The following GRAP variants were observed in gnomAD, a reference collection of about 807,000 sequenced individuals.
The protein encoded by GRAP is GRB2 related adaptor protein, also known as GRB2-related adapter protein.
A neutral mutation model predicts 9.1 loss-of-function variants in GRAP; 2 were observed. That is an observed-to-expected ratio of 0.22 (90% CI 0.09 to 0.69). The LOEUF is 0.69. Among genes scored for constraint, GRAP ranks in the 30% least tolerant of loss-of-function variants. GRAP has a pLI of 0.81. For missense variants in GRAP, 113 were observed against 179.4 expected, an observed-to-expected ratio of 0.63 and a Z score of 2.12; for synonymous variants, 68 against 73.6, an observed-to-expected ratio of 0.92 and a Z score of 0.39.
intron 3 of GRAP, chr17:19,032,248 C>T (rs1305123490): frequency 6.7e-6 from 1 of 149,684 alleles, no homozygotes; most frequent in African/African-American, 2.4e-5. Flanking sequence ...GCGCCAAAAT[C>T]CTACTCATGC....
In GRAP at chr17:19,021,724, C is replaced by T. The variant is rs925051936; in HGVS notation, c.*235G>A. On this transcript the variant is annotated 3_prime_UTR_variant, in exon 5 of 5. Coordinates refer to ENST00000284154, the MANE Select transcript of GRAP (RefSeq NM_006613.4). The surrounding 1 kb of genome is among the most constrained non-coding windows in gnomAD (Gnocchi z 4.1). ...CCTGTGGTGTCACACAGCTGGCAGCCAATGGAAAGCAACCAGCCAGGAAGC... is the reference window on the plus strand; with the variant it reads ...CCTGTGGTGTCACACAGCTGGCAGCTAATGGAAAGCAACCAGCCAGGAAGC... The T allele has an allele frequency of 5.4e-5, 22 of 407,146 alleles. No homozygotes were observed. The highest frequency in any genetic ancestry group is 4.1e-4 in the African/African-American group (20 of 48,710). 25.2% of individuals were successfully genotyped at this position (407,146 alleles called of 1,614,324 possible). A position where few individuals can be genotyped will look rare whatever the true frequency, so the allele number is the denominator to read the frequency against.
Position 19,024,436 on chromosome 17 carries a change from TG to T in GRAP, c.300-54del, listed in dbSNP as rs1241074122. 6.3e-7 allele frequency: 1 copy of T among 1,582,568 alleles called. No individual in the cohort carries two copies. Among genetic ancestry groups the T allele is most frequent in the African/African-American group, 1.3e-5 (1 of 74,156 alleles). On this transcript the variant is annotated intron_variant, in intron 3 of 4. Coordinates refer to ENST00000284154, the MANE Select transcript of GRAP (RefSeq NM_006613.4). The surrounding 1 kb of genome is among the most constrained non-coding windows in gnomAD (Gnocchi z 4.2). ...AGGTGGTGGCCGTCCCAGCCTGGCATGGTCCCAGGGGCTCCCGTCTCACTAC... is the reference window on the plus strand; with the variant it reads ...AGGTGGTGGCCGTCCCAGCCTGGCATGTCCCAGGGGCTCCCGTCTCACTAC...
intron 3 of GRAP, chr17:19,032,511 CGT>C (rs1376809632): frequency 3.4e-5 from 2 of 59,602 alleles, no homozygotes; most frequent in African/African-American, 8.0e-5. Flanking sequence ...TGATCATGTG[CGT>C]GTGCGCAGGT....
In GRAP at chr17:19,020,807, C is replaced by T. The variant is rs11867753; in HGVS notation, c.*1152G>A. The T allele has an allele frequency of 0.047, 10,884 of 229,840 alleles. 1,208 individuals carry two copies. The highest frequency in any genetic ancestry group is 0.23 in the African/African-American group (10,164 of 44,600). 14.2% of individuals were successfully genotyped at this position (229,840 alleles called of 1,614,324 possible). ...AGCTCTGGATGGAGGAAGAGCCCCA[C>T]ATGCCCAGAGCAAGGCCCCCCATTA... On this transcript the variant is annotated 3_prime_UTR_variant, in exon 5 of 5. Transcript: ENST00000284154.
Position 19,027,474 on chromosome 17 carries a change from G to GCA in GRAP, c.300-3092_300-3091insTG, listed in dbSNP as rs1230339313. On this transcript the variant is annotated intron_variant, in intron 3 of 4. Coordinates refer to ENST00000284154, the MANE Select transcript of GRAP (RefSeq NM_006613.4). ...TGATGCCTTGATGGGACACATGCGCGCGCGCGCGCGCACACACACACACAC... is the reference window on the plus strand; with the variant it reads ...TGATGCCTTGATGGGACACATGCGCGCACGCGCGCGCGCACACACACACACAC... 2.6e-3 allele frequency among the ~76,000 whole-genome samples: 195 copies of GCA among 73,770 alleles called. 1 individual carries two copies. Among genetic ancestry groups the GCA allele is most frequent in the Middle Eastern group, 5.9e-3 (1 of 170 alleles). 48.4% of individuals were successfully genotyped at this position (73,770 alleles called of 152,430 possible). A position where few individuals can be genotyped will look rare whatever the true frequency, so the allele number is the denominator to read the frequency against.
chr17:19,024,505 T>A lies in GRAP; in HGVS notation c.300-122A>T, dbSNP rs2044297926. 3.4e-6 allele frequency: 5 copies of A among 1,463,144 alleles called. No homozygotes were observed. The highest frequency in any genetic ancestry group is 4.5e-6 in the Non-Finnish European group (5 of 1,105,474). 90.6% of individuals were successfully genotyped at this position (1,463,144 alleles called of 1,614,324 possible). A position where few individuals can be genotyped will look rare whatever the true frequency, so the allele number is the denominator to read the frequency against. ...TCTCACGGTGGGACCTGGAGTCAGA[T>A]AAGGTGCAAGTGGGAGAGGCCCCAC... is the stretch of plus-strand genomic sequence containing the variant. On this transcript the variant is annotated intron_variant, in intron 3 of 4. Coordinates refer to ENST00000284154, the MANE Select transcript of GRAP (RefSeq NM_006613.4). This position sits in a 1 kb window ranked among gnomAD's most constrained non-coding sequence, Gnocchi z 4.2.
chr17:19,027,484 GCACACACACA>G (rs776285201), intron 3 of GRAP, among the ~76,000 whole-genome samples: 5 of 121,212 alleles, frequency 4.1e-5, no homozygotes, highest in South Asian at 3.1e-4. Flanking sequence ...GCGCGCGCGC[GCACACACACA>G]CACACACACA....
At chr17:19,030,261 G>T in intron 3 of GRAP, 1 of 443,856 alleles carries the variant, frequency 2.3e-6, no homozygotes. Flanking sequence ...AGCAGCAGCA[G>T]CAGCAAAGGT....
intron 3 of GRAP, among the ~76,000 whole-genome samples, chr17:19,027,484 GCACACA>G (rs776285201): frequency 9.9e-5 from 12 of 121,170 alleles, no homozygotes; most frequent in African/African-American, 3.7e-4. Flanking sequence ...GCGCGCGCGC[GCACACA>G]CACACACACA....
Position 19,024,233 on chromosome 17 carries a change from G to C in GRAP, c.450C>G (p.Asp150Glu). 1 of 1,593,716 alleles carries C rather than the reference G, an allele frequency of 6.3e-7. No individual in the cohort carries two copies. Among genetic ancestry groups the C allele is most frequent in the Non-Finnish European group, 8.5e-7 (1 of 1,170,416 alleles). ...IAKKRQIFLR[D>E]EEPLLKSPGA... ...CCCCTACCTTGAGCAAGGGCTCCTCGTCGCGCAGGAAGATCTGCCGCTTCT... is the reference window on the plus strand; with the variant it reads ...CCCCTACCTTGAGCAAGGGCTCCTCCTCGCGCAGGAAGATCTGCCGCTTCT... Residue 150 changes from aspartate to glutamate, a missense_variant, in exon 4 of 5, where the codon GAC becomes GAG. Asp to Glu is a conservative substitution (Grantham distance 45, BLOSUM62 2). This residue lies in a region of GRAP where 113 missense variants were observed against 163.3 expected (regional missense o/e 0.69). Transcript: ENST00000284154. This position sits in a 1 kb window ranked among gnomAD's most constrained non-coding sequence, Gnocchi z 4.2.
Position 19,024,503 on chromosome 17 carries a change from G to C in GRAP, c.300-120C>G. The C allele has an allele frequency of 6.8e-7, 1 of 1,464,570 alleles. No homozygotes were observed. The highest frequency in any genetic ancestry group is 1.4e-5 in the South Asian group (1 of 71,720). 90.7% of individuals were successfully genotyped at this position (1,464,570 alleles called of 1,614,324 possible). On this transcript the variant is annotated intron_variant, in intron 3 of 4. Coordinates refer to ENST00000284154, the MANE Select transcript of GRAP (RefSeq NM_006613.4). This position sits in a 1 kb window ranked among gnomAD's most constrained non-coding sequence, Gnocchi z 4.2. ...TGTCTCACGGTGGGACCTGGAGTCA[G>C]ATAAGGTGCAAGTGGGAGAGGCCCC...
At chr17:19,027,522 A>ACACACC (rs2044319019) in intron 3 of GRAP, among the ~76,000 whole-genome samples, 1 of 144,850 alleles carries the variant, frequency 6.9e-6, no homozygotes, top group East Asian at 2.1e-4. Flanking sequence ...ACACACACAC[A>ACACACC]CACCCCTACC....
rs753525042 is a variant in GRAP at position 19,024,217 on chromosome 17, T to G, written c.466A>C (p.Lys156Gln). 6.3e-7 allele frequency: 1 copy of G among 1,583,570 alleles called. No individual in the cohort carries two copies. The highest frequency in any genetic ancestry group is 8.6e-7 in the Non-Finnish European group (1 of 1,165,240). Residue 156 changes from lysine to glutamine, a missense_variant and splice_region_variant, in exon 4 of 5, where the codon AAG (lysine) becomes CAG (glutamine). Physicochemically the swap from Lys to Gln is moderately conservative, Grantham distance 53. Transcript: ENST00000284154. This position sits in a 1 kb window ranked among gnomAD's most constrained non-coding sequence, Gnocchi z 4.2. ...GGCCAGCCCCCACCCGCCCCTACCT[T>G]GAGCAAGGGCTCCTCGTCGCGCAGG... ...IFLRDEEPLL[K>Q]SPGACFAQAQ... is the part of the protein sequence containing the mutation.
chr17:19,028,224 CG>C (rs2044324187), intron 3 of GRAP, among the ~76,000 whole-genome samples: 2 of 65,730 alleles, frequency 3.0e-5, no homozygotes, highest in African/African-American at 9.9e-5. Flanking sequence ...GTGTGAGCAA[CG>C]GCGCCCAGCC....
In GRAP at chr17:19,024,567, T is replaced by C. The variant is rs1175773391; in HGVS notation, c.300-184A>G. The stretch of plus-strand genomic sequence containing the variant: ...CACATGGGGTCTGGGGAGTCCCATC[T>C]GGCAGTGGAATATGGGGTTAATTTA... On this transcript the variant is annotated intron_variant, in intron 3 of 4. Coordinates refer to ENST00000284154, the MANE Select transcript of GRAP (RefSeq NM_006613.4). The surrounding 1 kb of genome is among the most constrained non-coding windows in gnomAD (Gnocchi z 4.2). 5.2e-6 allele frequency: 3 copies of C among 576,956 alleles called. No individual in the cohort carries two copies. Among genetic ancestry groups the C allele is most frequent in the Non-Finnish European group, 6.6e-6 (3 of 456,700 alleles). The allele number at this position is 576,956 out of a possible 1,614,324, so 35.7% of individuals were successfully genotyped here. A position where few individuals can be genotyped will look rare whatever the true frequency, so the allele number is the denominator to read the frequency against.
intron 4 of GRAP, chr17:19,022,592 C>T (rs1273450724): frequency 6.3e-6 from 1 of 158,132 alleles, no homozygotes; most frequent in African/African-American, 2.4e-5. Context: ...ATTGCTCTTG[C>T]CCTTGGTCAG....
In GRAP at chr17:19,024,047, C is replaced by T. The variant is rs140799294; in HGVS notation, c.468+168G>A. Among the ~76,000 whole-genome samples, 69 of 152,306 alleles carry T rather than the reference C, an allele frequency of 4.5e-4. No homozygotes were observed. In the South Asian group the frequency reaches 5.6e-3, roughly 12 times the overall value. On this transcript the variant is annotated intron_variant, in intron 4 of 4. Coordinates refer to ENST00000284154, the MANE Select transcript of GRAP (RefSeq NM_006613.4). This position sits in a 1 kb window ranked among gnomAD's most constrained non-coding sequence, Gnocchi z 4.2. Reference sequence around the variant, plus strand: ...CCACCCTTGCAAGTCTCACCATAGCCGCCACCAGGATATAACTTCGAAGCC... The same window carrying T: ...CCACCCTTGCAAGTCTCACCATAGCTGCCACCAGGATATAACTTCGAAGCC...
intron 3 of GRAP, chr17:19,030,469 C>T (rs1428044067): frequency 4.2e-5 from 5 of 119,976 alleles, no homozygotes; most frequent in African/African-American, 9.9e-5. Context: ...GTGGAACAAC[C>T]TGTTCGGCAG....
chr17:19,024,297 T>C lies in GRAP; in HGVS notation c.386A>G (p.Asn129Ser). Residue 129 changes from asparagine to serine, a missense_variant, in exon 4 of 5, where the codon AAC becomes AGC. Around this residue, in one of 2 missense-constraint regions of GRAP, gnomAD observed 113 missense variants for 163.3 expected, o/e 0.69. Transcript: ENST00000284154. The surrounding 1 kb of genome is among the most constrained non-coding windows in gnomAD (Gnocchi z 4.2). ...FLWEEKFNSLNELVDFYRTTT... is the reference protein window; with the variant it reads ...FLWEEKFNSLSELVDFYRTTT... ...GGTGCGGTAGAAGTCGACCAGCTCG[T>C]TGAGGGAGTTGAACTTCTCCTCCCA... The C allele has an allele frequency of 6.2e-7, 1 of 1,610,358 alleles. No individual in the cohort carries two copies. Among genetic ancestry groups the C allele is most frequent in the Non-Finnish European group, 8.5e-7 (1 of 1,178,414 alleles).
Sources: gnomAD v4.1 joint callset for allele counts (sites outside exome capture counted in the v4.1 genomes callset) on GRCh38, gnomAD v4.1.1 for gene constraint, gnomAD v4.1.1 regional missense constraint, Gnocchi (gnomAD v3.1) non-coding constraint, MANE v1.5 for transcripts, NCBI Gene and HGNC (gene_info 2026-07-23, HGNC 2026-07-21) for gene names.